Variants in PCDH7 observed in about 807,000 individuals in gnomAD.
PCDH7 encodes the protein protocadherin-7.
PCDH7 carries 17 observed loss-of-function variants against 58.9 expected under a neutral mutation model. That is an observed-to-expected ratio of 0.29 (90% confidence interval 0.20 to 0.43). The LOEUF is 0.43. PCDH7 is among the 20% of genes least tolerant of loss of function. PCDH7 has a pLI of 1.00. For synonymous variants in PCDH7, 664 were observed against 616.4 expected, an observed-to-expected ratio of 1.08 and a Z score of -1.14; for missense variants, 1,274 against 1,441.0, an observed-to-expected ratio of 0.88 and a Z score of 1.88.
At chr4:30,988,898 A>G (rs374630583) in intron 3 of PCDH7, among the ~76,000 whole-genome samples, 1 of 152,196 alleles carries the variant, frequency 6.6e-6, no homozygotes, top group South Asian at 2.1e-4. Context: ...AGAACAATGA[A>G]TGTGATTTTG....
At chr4:31,008,847 C>A (rs552992922) in intron 3 of PCDH7, among the ~76,000 whole-genome samples, 2 of 152,134 alleles carry the variant, frequency 1.3e-5, no homozygotes, top group South Asian at 4.1e-4. Context: ...TAACATAGTT[C>A]TTATTTCTTC....
intron 3 of PCDH7, among the ~76,000 whole-genome samples, chr4:31,137,490 A>G (rs1476868549): frequency 6.6e-6 from 1 of 152,232 alleles, no homozygotes; most frequent in Non-Finnish European, 1.5e-5. Context: ...AGGCTGAGAC[A>G]TGAGAATCGC....
intron 1 of PCDH7, among the ~76,000 whole-genome samples, chr4:30,831,752 A>T (rs1435987054): frequency 6.6e-6 from 1 of 152,156 alleles, no homozygotes; most frequent in African/African-American, 2.4e-5. Context: ...CATACCAGCT[A>T]CTGAAACAGA....
At chr4:31,001,847 C>T (rs1472979981) in intron 3 of PCDH7, among the ~76,000 whole-genome samples, 1 of 152,144 alleles carries the variant, frequency 6.6e-6, no homozygotes, top group African/African-American at 2.4e-5. Flanking sequence ...TTATTTACCC[C>T]TACTTCTATG....
intron 1 of PCDH7, among the ~76,000 whole-genome samples, chr4:30,876,325 C>T (rs188478291): frequency 4.6e-4 from 69 of 151,404 alleles, no homozygotes; most frequent in African/African-American, 1.5e-3. Context: ...TGGGGCTTAA[C>T]GTACATAAAA....
chr4:30,904,785 A>G (rs1016981135), intron 1 of PCDH7, among the ~76,000 whole-genome samples: 4 of 152,208 alleles, frequency 2.6e-5, no homozygotes, highest in African/African-American at 9.6e-5. Flanking sequence ...TGGGAGTGGC[A>G]GAGGAAATAA....
At chr4:30,981,003 C>T (rs1231036500) in intron 3 of PCDH7, among the ~76,000 whole-genome samples, 2 of 152,110 alleles carry the variant, frequency 1.3e-5, no homozygotes, top group African/African-American at 2.4e-5. Flanking sequence ...CCACCACGCT[C>T]AGCTAATTTT....
chr4:30,832,019 A>G (rs1215351629), intron 1 of PCDH7, among the ~76,000 whole-genome samples: 1 of 152,190 alleles, frequency 6.6e-6, no homozygotes, highest in East Asian at 1.9e-4. Context: ...AACGATTCTC[A>G]AAAAGTAACA....
At chr4:31,116,575 A>T (rs987409204) in intron 3 of PCDH7, among the ~76,000 whole-genome samples, 1 of 152,300 alleles carries the variant, frequency 6.6e-6, no homozygotes. Context: ...CCCTATGCAG[A>T]TCATAGCGAC....
intron 3 of PCDH7, among the ~76,000 whole-genome samples, chr4:30,951,488 C>T (rs923158761): frequency 7.9e-5 from 12 of 152,136 alleles, no homozygotes; most frequent in Non-Finnish European, 1.5e-4. Flanking sequence ...ACACACTGCA[C>T]TCTGTGCTCT....
At chr4:31,008,284 G>A (rs1334469574) in intron 3 of PCDH7, among the ~76,000 whole-genome samples, 2 of 151,900 alleles carry the variant, frequency 1.3e-5, no homozygotes, top group African/African-American at 4.8e-5. Flanking sequence ...TTATTACTTG[G>A]ACAAAAACAA....
At chr4:31,122,378 A>G (rs893804844) in intron 3 of PCDH7, among the ~76,000 whole-genome samples, 2 of 152,152 alleles carry the variant, frequency 1.3e-5, no homozygotes, top group Non-Finnish European at 2.9e-5. Flanking sequence ...TCAGAGAAGC[A>G]AGTTTTCACT....
intron 2 of PCDH7, among the ~76,000 whole-genome samples, chr4:30,936,451 T>C (rs1745348573): frequency 6.6e-6 from 1 of 152,104 alleles, no homozygotes; most frequent in Non-Finnish European, 1.5e-5. Context: ...TAAAAACTAA[T>C]TTAAGTAGAA....
chr4:31,088,139 G>T (rs1313197783), intron 3 of PCDH7, among the ~76,000 whole-genome samples: 1 of 151,928 alleles, frequency 6.6e-6, no homozygotes, highest in Admixed American at 6.6e-5. Context: ...AAAAAGCCAT[G>T]GTACCTTTTG....
At chr4:30,735,095 G>A (rs1306895895), downstream of PCDH7, among the ~76,000 whole-genome samples, 3 of 152,012 alleles carry the variant, frequency 2.0e-5, no homozygotes, top group Non-Finnish European at 2.9e-5. Context: ...AGTAAGAGAC[G>A]CACTGGTCGT....
At chr4:30,906,677 A>G (rs1740972583) in intron 1 of PCDH7, among the ~76,000 whole-genome samples, 1 of 152,218 alleles carries the variant, frequency 6.6e-6, no homozygotes, top group South Asian at 2.1e-4. Context: ...GATATATTAG[A>G]AAAGTGCTGT....
intron 3 of PCDH7, among the ~76,000 whole-genome samples, chr4:31,106,088 A>G (rs1241782394): frequency 2.0e-5 from 3 of 151,868 alleles, no homozygotes; most frequent in African/African-American, 4.8e-5. Context: ...GGAGTATTGT[A>G]TTAACTTTAT....
chr4:31,095,111 C>T (rs1441253424), intron 3 of PCDH7, among the ~76,000 whole-genome samples: 1 of 145,058 alleles, frequency 6.9e-6, no homozygotes, highest in Non-Finnish European at 1.5e-5. Context: ...ATCTACCAGA[C>T]AGGGTATTTT....
chr4:30,969,790 A>T (rs1412381379), intron 3 of PCDH7, among the ~76,000 whole-genome samples: 1 of 152,216 alleles, frequency 6.6e-6, no homozygotes, highest in Non-Finnish European at 1.5e-5. Context: ...GTTTTAAATA[A>T]TGATAGTAGT....
Sources: gnomAD v4.1 joint callset for allele counts (sites outside exome capture counted in the v4.1 genomes callset) on GRCh38, gnomAD v4.1.1 for gene constraint, MANE v1.5 for transcripts, NCBI Gene and HGNC (gene_info 2026-07-23, HGNC 2026-07-21) for gene names.